POLA1: variants seen among roughly 807,000 people sequenced by gnomAD.
POLA1 encodes DNA polymerase alpha catalytic subunit.
POLA1 carries 15 observed loss-of-function variants against 124.0 expected under a neutral mutation model. The ratio of observed to expected loss-of-function variants is 0.12; its 90% CI spans 0.08 to 0.19. POLA1 has a LOEUF of 0.19. Ranked by LOEUF, POLA1 falls within the 10% of genes least tolerant of loss-of-function variation. The probability of loss-of-function intolerance (pLI) is 1.00; values close to 1 mark genes in which losing one functional copy is unlikely to be tolerated. For missense variants in POLA1, 886 were observed against 1,103.4 expected (o/e 0.80, Z 2.79); for synonymous variants, 408 against 389.4 (o/e 1.05, Z -0.56).
At position 24,701,520 on chromosome X, in the gene POLA1, C is replaced by T. The variant is rs771311074; in HGVS notation, c.169-1731C>T. Among the ~76,000 whole-genome samples, 5 of 107,673 alleles carry T rather than the reference C, an allele frequency of 4.6e-5. No homozygotes were observed. The South Asian group carries it at 1.7e-3, about 36-fold the overall frequency. The allele number at this position is 107,673 out of a possible 115,157, so 93.5% of individuals were successfully genotyped here. ...GCATGATCTTGGCTCACTGCAACCTCAGCTTCCCAGGTTCAAGCGATTGTC... is the reference window on the plus strand; with the variant it reads ...GCATGATCTTGGCTCACTGCAACCTTAGCTTCCCAGGTTCAAGCGATTGTC... On this transcript the variant is annotated intron_variant, in intron 2 of 36. Transcript: ENST00000379068.
At chrX:24,741,182 G>A (rs758260076) in intron 20 of POLA1, among the ~76,000 whole-genome samples, 193 bp from the exon 21 acceptor site, 302 of 107,595 alleles carry the variant, frequency 2.8e-3, no homozygotes, top group African/African-American at 9.9e-3. Context: ...TTGGAGAAAA[G>A]CATTGGGATC....
chrX:24,754,442 AGACGGG>A (rs1386280347), intron 26 of POLA1, among the ~76,000 whole-genome samples: 1 of 110,239 alleles, frequency 9.1e-6, no homozygotes, highest in Non-Finnish European at 1.9e-5. Context: ...TTTTTAATAG[AGACGGG>A]GTTTCTCCGT....
chrX:24,728,539 G>T (rs1863383931), intron 15 of POLA1, among the ~76,000 whole-genome samples: 1 of 111,519 alleles, frequency 9.0e-6, no homozygotes, highest in East Asian at 2.8e-4. Context: ...TGTGCCTCTT[G>T]AATCTCTTTT....
intron 34 of POLA1, among the ~76,000 whole-genome samples, chrX:24,887,793 CTTT>C (rs397959883): frequency 1.1e-5 from 1 of 93,183 alleles, no homozygotes. Flanking sequence ...ATGTGATTTT[CTTT>C]TTTTTTTTTT....
At chrX:24,972,911 G>T (rs1156827648) in intron 36 of POLA1, among the ~76,000 whole-genome samples, 2 of 112,424 alleles carry the variant, frequency 1.8e-5, no homozygotes, top group Non-Finnish European at 3.8e-5. Context: ...GGTTGACAAG[G>T]CACCCAGTTC....
At chrX:24,710,070 C>G (rs906253876) in intron 4 of POLA1, among the ~76,000 whole-genome samples, 4 of 105,703 alleles carry the variant, frequency 3.8e-5, no homozygotes, top group African/African-American at 1.4e-4. Context: ...CCCGTGGGGC[C>G]CGTCCGCTCC....
chrX:24,768,980 A>G (rs2044969936), intron 26 of POLA1, among the ~76,000 whole-genome samples: 1 of 112,042 alleles, frequency 8.9e-6, no homozygotes, highest in African/African-American at 3.2e-5. Flanking sequence ...GAAGCCACCA[A>G]GTCATGCTAT....
chrX:24,941,842 C>A (rs748269300), intron 36 of POLA1, among the ~76,000 whole-genome samples: 13 of 112,119 alleles, frequency 1.2e-4, no homozygotes, highest in Non-Finnish European at 1.9e-4. Context: ...AGCCCTAGCA[C>A]CATCCCCTAG....
In POLA1 at chrX:24,715,164, TG is replaced by T; in HGVS notation, c.488del (p.Gly163ValfsTer3). 1 of 1,187,499 alleles carries T rather than the reference TG, an allele frequency of 8.4e-7. No individual in the cohort carries two copies. The highest frequency in any genetic ancestry group is 1.1e-6 in the Non-Finnish European group (1 of 873,392). On this transcript the variant is annotated frameshift_variant, in exon 6 of 37. Coordinates refer to ENST00000379068, the MANE Select transcript of POLA1 (RefSeq NM_001330360.2). LOFTEE classifies it high-confidence loss of function. Reference sequence around the variant, plus strand: ...AGAAAGCTGTAGACTTGTCCAAGGATGGTCTGCTAGGTGACATTCTACAGGA... The same window carrying T: ...AGAAAGCTGTAGACTTGTCCAAGGATGTCTGCTAGGTGACATTCTACAGGA... ...ADKAVDLSKD[G>X]LLGDILQDLN...
chrX:24,781,983 A>C lies in POLA1; in HGVS notation c.2965-27915A>C, dbSNP rs752116666. 5.4e-5 allele frequency among the ~76,000 whole-genome samples: 6 copies of C among 111,806 alleles called. No homozygotes were observed. The South Asian group carries it at 2.3e-3, about 42-fold the overall frequency. On this transcript the variant is annotated intron_variant, in intron 26 of 36. Transcript: ENST00000379068. Reference sequence around the variant, plus strand: ...GCCTGGTATTTACTGAGTAGCTGTCAGGAGCCATGCACTGTTCTAGGCACA... The same window carrying C: ...GCCTGGTATTTACTGAGTAGCTGTCCGGAGCCATGCACTGTTCTAGGCACA...
intron 35 of POLA1, among the ~76,000 whole-genome samples, chrX:24,902,000 G>A (rs1291423023): frequency 3.7e-5 from 4 of 109,274 alleles, no homozygotes; most frequent in African/African-American, 1.4e-4. Flanking sequence ...GCGTGCATGT[G>A]CGTGCACACA....
chrX:24,858,244 C>T (rs2046673346), intron 34 of POLA1, among the ~76,000 whole-genome samples: 1 of 111,974 alleles, frequency 8.9e-6, no homozygotes, highest in Non-Finnish European at 1.9e-5. Flanking sequence ...CTCAACCTCG[C>T]CTCTTCTCTG....
chrX:24,919,049 A>G (rs2047575312), intron 35 of POLA1, among the ~76,000 whole-genome samples: 2 of 112,042 alleles, frequency 1.8e-5, no homozygotes, highest in South Asian at 7.5e-4. Flanking sequence ...TCCAAATTAT[A>G]GCAGATATCT....
intron 36 of POLA1, among the ~76,000 whole-genome samples, chrX:24,936,200 G>A (rs2047846975): frequency 8.9e-6 from 1 of 112,253 alleles, no homozygotes; most frequent in African/African-American, 3.2e-5. Context: ...TTAAAAGGTA[G>A]TATTTTTTAA....
chrX:24,821,413 T>G (rs1177504569), intron 30 of POLA1, 39 bp from the exon 31 acceptor site: 1 of 1,144,564 alleles, frequency 8.7e-7, no homozygotes, highest in African/African-American at 1.8e-5. Context: ...AAGAAGGGTT[T>G]TATTTTAAGG....
chrX:24,709,511 G>A (rs1842168691), intron 4 of POLA1, among the ~76,000 whole-genome samples: 1 of 109,614 alleles, frequency 9.1e-6, no homozygotes, highest in Non-Finnish European at 1.9e-5. Flanking sequence ...CTCCCTCCCG[G>A]ACGGGGTGGC....
chrX:24,808,287 G>A (rs901759007), intron 26 of POLA1, among the ~76,000 whole-genome samples: 1 of 111,427 alleles, frequency 9.0e-6, no homozygotes, highest in Non-Finnish European at 1.9e-5. Context: ...GTCTAAAAAG[G>A]TAGTCCCCCA....
intron 31 of POLA1, among the ~76,000 whole-genome samples, chrX:24,822,040 CCA>C (rs1188810255): frequency 9.0e-6 from 1 of 110,704 alleles, no homozygotes; most frequent in Non-Finnish European, 1.9e-5. Flanking sequence ...CACAATTCAA[CCA>C]GTTTTTTTTT....
intron 1 of POLA1, among the ~76,000 whole-genome samples, chrX:24,696,285 G>T (rs1164975788): frequency 8.9e-6 from 1 of 112,144 alleles, no homozygotes; most frequent in African/African-American, 3.2e-5. Context: ...AACTCCAGGA[G>T]GACTAGTAAG....
Sources: gnomAD v4.1 joint callset for allele counts (sites outside exome capture counted in the v4.1 genomes callset) on GRCh38, gnomAD v4.1.1 for gene constraint, MANE v1.5 for transcripts, NCBI Gene and HGNC (gene_info 2026-07-23, HGNC 2026-07-21) for gene names.